Variants in AMOTL1 observed in about 807,000 individuals in gnomAD.
The protein encoded by AMOTL1 is angiomotin like 1.
In AMOTL1, 45 loss-of-function variants were observed where a neutral mutation model predicts 102.9. The ratio of observed to expected loss-of-function variants is 0.44; its 90% CI spans 0.34 to 0.56. The LOEUF (loss-of-function observed/expected upper bound fraction) is 0.56, where lower values mean the gene tolerates loss of function less well. AMOTL1 is among the 20% of genes least tolerant of loss of function. The pLI is 0.01. For missense variants in AMOTL1, 1,114 were observed against 1,225.6 expected (o/e 0.91, Z 1.36); for synonymous variants, 481 against 484.7 (o/e 0.99, Z 0.10).
chr11:94,744,895 T>C (rs1424994774), intron 3 of AMOTL1, among the ~76,000 whole-genome samples: 1 of 152,198 alleles, frequency 6.6e-6, no homozygotes, highest in Non-Finnish European at 1.5e-5. Flanking sequence ...TCTATGATAT[T>C]AAAATGTGAA....
At chr11:94,824,238 G>A (rs886219087) in intron 4 of AMOTL1, among the ~76,000 whole-genome samples, 8 of 152,134 alleles carry the variant, frequency 5.3e-5, no homozygotes, top group African/African-American at 1.9e-4. Context: ...TGTTCTACAA[G>A]TACAGTAAGT....
At chr11:94,776,056 C>A (rs182775826) in intron 1 of AMOTL1, among the ~76,000 whole-genome samples, 4 of 152,186 alleles carry the variant, frequency 2.6e-5, no homozygotes, top group African/African-American at 7.2e-5. Flanking sequence ...GGAATTAGCA[C>A]GGAAAGGTCC....
chr11:94,786,830 T>C (rs1377489923), intron 1 of AMOTL1, among the ~76,000 whole-genome samples: 1 of 152,270 alleles, frequency 6.6e-6, no homozygotes, highest in Non-Finnish European at 1.5e-5. Context: ...TATAACTAGT[T>C]ATTTTAAAAT....
At chr11:94,854,615 G>C (rs996494194) in intron 8 of AMOTL1, among the ~76,000 whole-genome samples, 5 of 152,136 alleles carry the variant, frequency 3.3e-5, no homozygotes, top group Admixed American at 6.5e-5. Context: ...AAGTTTTTAA[G>C]CTGGAGAGAA....
Position 94,870,686 on chromosome 11 carries a change from C to T in AMOTL1, c.2765-3C>T. On this transcript the variant is annotated splice_region_variant and splice_polypyrimidine_tract_variant and intron_variant, in intron 12 of 12. Transcript: ENST00000433060. ...CAGCTGATGTTTCCCCTCTATTTGG[C>T]AGAGAACTCTCCTGGCCATGGGAAG... 6.3e-7 allele frequency: 1 copy of T among 1,591,142 alleles called. No individual in the cohort carries two copies. Among genetic ancestry groups the T allele is most frequent in the Non-Finnish European group, 8.6e-7 (1 of 1,167,310 alleles).
chr11:94,781,559 C>T (rs942239626), intron 1 of AMOTL1, among the ~76,000 whole-genome samples: 12 of 152,156 alleles, frequency 7.9e-5, no homozygotes, highest in South Asian at 4.1e-4. Flanking sequence ...CATAATAAGC[C>T]GGGTGCGGTG....
In AMOTL1 at chr11:94,843,983, C is replaced by A. The variant is rs180780428; in HGVS notation, c.1649-6131C>A. 3.9e-5 allele frequency among the ~76,000 whole-genome samples: 6 copies of A among 152,274 alleles called. No individual in the cohort carries two copies. The East Asian group carries it at 1.2e-3, about 29-fold the overall frequency. Reference sequence around the variant, plus strand: ...GCCTGGACACTGTTGTACATGGCTCCCATCAGTCTCCCTACTCGGCCTCTC... The same window carrying A: ...GCCTGGACACTGTTGTACATGGCTCACATCAGTCTCCCTACTCGGCCTCTC... On this transcript the variant is annotated intron_variant, in intron 6 of 12. Transcript: ENST00000433060.
At chr11:94,791,948 T>G (rs1321394132) in intron 1 of AMOTL1, among the ~76,000 whole-genome samples, 2 of 152,204 alleles carry the variant, frequency 1.3e-5, no homozygotes, top group Non-Finnish European at 2.9e-5. Flanking sequence ...AGAATGGAAC[T>G]GCGACCTCTG....
intron 3 of AMOTL1, among the ~76,000 whole-genome samples, chr11:94,810,732 G>C (rs1027653345): frequency 2.6e-5 from 4 of 151,470 alleles, no homozygotes; most frequent in Admixed American, 2.6e-4. Flanking sequence ...AAAGGAGAGA[G>C]AGCAGAAGTA....
chr11:94,773,032 T>G (rs1421370660), intron 1 of AMOTL1, among the ~76,000 whole-genome samples: 4 of 152,266 alleles, frequency 2.6e-5, no homozygotes, highest in Non-Finnish European at 5.9e-5. Context: ...GAAATAACTA[T>G]TCATGCCTTT....
upstream of AMOTL1, among the ~76,000 whole-genome samples, chr11:94,766,419 C>T (rs994947734): frequency 1.3e-5 from 2 of 152,196 alleles, no homozygotes; most frequent in Non-Finnish European, 2.9e-5. Context: ...ACTTGCTCAG[C>T]GTCACACAGA....
At chr11:94,773,866 G>A (rs1050342045) in intron 1 of AMOTL1, among the ~76,000 whole-genome samples, 6 of 152,204 alleles carry the variant, frequency 3.9e-5, no homozygotes, top group Non-Finnish European at 5.9e-5. Context: ...AATAGATTAA[G>A]AGTTATGTAT....
chr11:94,727,405 T>A (rs912582926), intron 1 of AMOTL1, among the ~76,000 whole-genome samples: 3 of 152,154 alleles, frequency 2.0e-5, no homozygotes, highest in Non-Finnish European at 4.4e-5. Flanking sequence ...ATGTTTTTAG[T>A]TTTGCACAGA....
intron 4 of AMOTL1, among the ~76,000 whole-genome samples, chr11:94,828,232 T>A (rs1191475417): frequency 6.6e-6 from 1 of 152,210 alleles, no homozygotes; most frequent in African/African-American, 2.4e-5. Flanking sequence ...GCTTTCTTTC[T>A]TCCTTACTGT....
At chr11:94,849,633 A>T (rs1036957565) in intron 6 of AMOTL1, among the ~76,000 whole-genome samples, 5 of 152,164 alleles carry the variant, frequency 3.3e-5, no homozygotes, top group African/African-American at 1.2e-4. Context: ...TGGAGGCCTG[A>T]GCTTGAAGCT....
chr11:94,738,259 C>CT (rs10598219), intron 2 of AMOTL1, among the ~76,000 whole-genome samples: 9 of 139,022 alleles, frequency 6.5e-5, no homozygotes, highest in African/African-American at 2.4e-4. Context: ...TAATTTTGTG[C>CT]TTTTTTTTTT....
At chr11:94,707,447 C>T (rs541798725) in intron 1 of AMOTL1, among the ~76,000 whole-genome samples, 24 of 152,102 alleles carry the variant, frequency 1.6e-4, no homozygotes, top group South Asian at 1.5e-3. Flanking sequence ...GGATGATAAA[C>T]GGCTTTTGGA....
At chr11:94,731,831 C>T (rs1327323607) in intron 2 of AMOTL1, among the ~76,000 whole-genome samples, 2 of 152,210 alleles carry the variant, frequency 1.3e-5, no homozygotes, top group African/African-American at 2.4e-5. Context: ...CTCCAACACT[C>T]CCTACTCTGC....
chr11:94,792,118 C>T (rs969821047), intron 1 of AMOTL1, among the ~76,000 whole-genome samples: 9 of 152,336 alleles, frequency 5.9e-5, no homozygotes, highest in African/African-American at 1.7e-4. Context: ...GGCACATATA[C>T]ACCATGGAAT....
Sources: allele counts gnomAD v4.1 joint callset (sites outside exome capture counted in the v4.1 genomes callset), GRCh38; gene constraint gnomAD v4.1.1; transcripts MANE v1.5; gene names NCBI Gene and HGNC (gene_info 2026-07-23, HGNC 2026-07-21).